The following FRMD4A variants were observed in gnomAD, a reference collection of about 807,000 sequenced individuals.
FRMD4A encodes the protein FERM domain-containing protein 4A.
Under a neutral mutation model 129.1 loss-of-function variants are expected in FRMD4A, and 29 were observed. The ratio of observed to expected loss-of-function variants is 0.22; its 90% confidence interval spans 0.17 to 0.31. FRMD4A has a LOEUF of 0.31. FRMD4A is among the 10% of genes least tolerant of loss of function. FRMD4A has a pLI of 1.00. For missense variants in FRMD4A, 1,272 were observed against 1,375.8 expected, an observed-to-expected ratio of 0.92 and a Z score of 1.19; for synonymous variants, 634 against 571.6, an observed-to-expected ratio of 1.11 and a Z score of -1.56.
At chr10:13,713,978 G>GTAATATATATATA (rs1564672081) in intron 12 of FRMD4A, among the ~76,000 whole-genome samples, 2 of 15,788 alleles carry the variant, frequency 1.3e-4, no homozygotes, top group African/African-American at 4.7e-4. Flanking sequence ...ATACATATAT[G>GTAATATATATATA]TAATATACAT....
At chr10:13,827,790 A>G (rs2093725013) in intron 3 of FRMD4A, among the ~76,000 whole-genome samples, 1 of 152,118 alleles carries the variant, frequency 6.6e-6, no homozygotes, top group Non-Finnish European at 1.5e-5. Flanking sequence ...AGGAGATTGG[A>G]GGGTGAGGCC....
intron 2 of FRMD4A, among the ~76,000 whole-genome samples, chr10:14,286,124 A>T (rs946654529): frequency 2.0e-5 from 3 of 152,200 alleles, no homozygotes; most frequent in Admixed American, 6.5e-5. Context: ...CAAAGTGTTG[A>T]CATTCTCTCA....
At chr10:13,938,030 C>T (rs1610163) in intron 2 of FRMD4A, among the ~76,000 whole-genome samples, 18,861 of 152,130 alleles carry the variant, frequency 0.12, 1,241 homozygotes, top group Non-Finnish European at 0.14. Flanking sequence ...ATGAAAGAAA[C>T]TGAATAAAAA....
intron 3 of FRMD4A, among the ~76,000 whole-genome samples, chr10:13,823,114 C>A (rs1395536809): frequency 1.3e-5 from 2 of 152,228 alleles, no homozygotes; most frequent in African/African-American, 4.8e-5. Context: ...GGGAGGGAGG[C>A]TTTCTCATCC....
chr10:14,212,277 G>T (rs578237606), intron 2 of FRMD4A, among the ~76,000 whole-genome samples: 1 of 152,258 alleles, frequency 6.6e-6, no homozygotes, highest in African/African-American at 2.4e-5. Flanking sequence ...AGGACAAGAG[G>T]TTGCACATCA....
intron 2 of FRMD4A, among the ~76,000 whole-genome samples, chr10:14,039,395 C>CTATCTATCTATCTATCT (rs1565204509): frequency 7.1e-6 from 1 of 140,790 alleles, no homozygotes; most frequent in African/African-American, 3.0e-5. Context: ...TCCATCCATC[C>CTATCTATCTATCTATCT]ATCCATCCAT....
chr10:14,286,992 T>C (rs17250947), intron 2 of FRMD4A, among the ~76,000 whole-genome samples: 18,312 of 152,182 alleles, frequency 0.12, 1,236 homozygotes, highest in Middle Eastern at 0.23. Context: ...CATTCTCACA[T>C]AGACTATATT....
At chr10:14,156,318 A>G (rs963811745) in intron 2 of FRMD4A, among the ~76,000 whole-genome samples, 3 of 152,206 alleles carry the variant, frequency 2.0e-5, no homozygotes, top group Admixed American at 2.0e-4. Flanking sequence ...TTACAATAAT[A>G]CACACCCATT....
chr10:13,659,336 C>G lies in FRMD4A; in HGVS notation c.2053G>C (p.Val685Leu), dbSNP rs755960267. ...PDLRVRSPHY[V>L]HSTRSVDISP... ...AGGCAGACTCACCTCGTGGAATGGA[C>G]GTAGTGGGGACTCCGGACCCGCAGG... Residue 685 changes from valine (V) to leucine (L), a missense_variant, in exon 21 of 25, where the codon GTC becomes CTC. Transcript: ENST00000357447. 3.1e-6 allele frequency: 5 copies of G among 1,613,908 alleles called. No homozygotes were observed. Among genetic ancestry groups the G allele is most frequent in the Non-Finnish European group, 4.2e-6 (5 of 1,179,858 alleles).
chr10:14,061,456 G>A (rs1173804760), intron 2 of FRMD4A, among the ~76,000 whole-genome samples: 3 of 152,070 alleles, frequency 2.0e-5, no homozygotes, highest in African/African-American at 4.8e-5. Context: ...CACATTTAAC[G>A]AATGGAAAAT....
At chr10:14,124,797 T>C (rs892600484) in intron 2 of FRMD4A, among the ~76,000 whole-genome samples, 5 of 152,228 alleles carry the variant, frequency 3.3e-5, no homozygotes, top group African/African-American at 1.2e-4. Flanking sequence ...AACGGGATTG[T>C]ATCCAGCACT....
chr10:13,853,955 G>A (rs548843647), intron 3 of FRMD4A, among the ~76,000 whole-genome samples: 1 of 152,014 alleles, frequency 6.6e-6, no homozygotes, highest in African/African-American at 2.4e-5. Flanking sequence ...AGGTCAGGTC[G>A]GTTTTTCTGG....
At chr10:13,849,301 A>G (rs2094106588) in intron 3 of FRMD4A, among the ~76,000 whole-genome samples, 1 of 152,180 alleles carries the variant, frequency 6.6e-6, no homozygotes, top group South Asian at 2.1e-4. Flanking sequence ...TTCAGACCAG[A>G]CAGGAGCAGA....
At chr10:14,012,499 T>C (rs2095685687) in intron 2 of FRMD4A, among the ~76,000 whole-genome samples, 1 of 151,028 alleles carries the variant, frequency 6.6e-6, no homozygotes, top group South Asian at 2.1e-4. Context: ...GTGAAAGGGG[T>C]GGCGGGAATG....
At chr10:13,845,346 T>C (rs2094028437) in intron 3 of FRMD4A, among the ~76,000 whole-genome samples, 1 of 152,188 alleles carries the variant, frequency 6.6e-6, no homozygotes, top group Non-Finnish European at 1.5e-5. Flanking sequence ...GTTGGAGATC[T>C]GGAAGGTTGG....
At chr10:13,767,802 C>T (rs746152294) in intron 6 of FRMD4A, among the ~76,000 whole-genome samples, 5 of 152,120 alleles carry the variant, frequency 3.3e-5, no homozygotes, top group Admixed American at 6.5e-5. Flanking sequence ...TGAAGCCCCC[C>T]GTGCTCTTGC....
At chr10:14,303,685 A>C (rs1425338576) in intron 2 of FRMD4A, among the ~76,000 whole-genome samples, 2 of 152,176 alleles carry the variant, frequency 1.3e-5, no homozygotes, top group African/African-American at 4.8e-5. Context: ...GGAGTCTAAG[A>C]CTTCAAAGTA....
chr10:14,218,955 C>CAAAAAAAAAAAAAAAAAAA (rs56064346), intron 2 of FRMD4A, among the ~76,000 whole-genome samples: 1 of 72,640 alleles, frequency 1.4e-5, no homozygotes, highest in African/African-American at 7.7e-5. Flanking sequence ...GACTTCATCT[C>CAAAAAAAAAAAAAAAAAAA]AAAAAAAAAA....
intron 13 of FRMD4A, among the ~76,000 whole-genome samples, chr10:13,702,353 C>A (rs1056923087): frequency 6.6e-6 from 1 of 152,164 alleles, no homozygotes; most frequent in Non-Finnish European, 1.5e-5. Context: ...CATGAGCCAC[C>A]GCACCTGGCC....
Sources: gnomAD v4.1 joint callset for allele counts (sites outside exome capture counted in the v4.1 genomes callset) on GRCh38, gnomAD v4.1.1 for gene constraint, MANE v1.5 for transcripts, NCBI Gene and HGNC (gene_info 2026-07-23, HGNC 2026-07-21) for gene names.